The following ANKS1B variants were observed in gnomAD, a reference collection of about 807,000 sequenced individuals.
The protein encoded by ANKS1B is ankyrin repeat and sterile alpha motif domain containing 1B.
In ANKS1B, 36 loss-of-function variants were observed where a neutral mutation model predicts 148.3. The ratio of observed to expected loss-of-function variants is 0.24; its 90% CI spans 0.19 to 0.32. ANKS1B has a LOEUF of 0.32. ANKS1B is among the 10% of genes least tolerant of loss of function. The pLI is 1.00. For synonymous variants in ANKS1B, 542 were observed against 560.8 expected, an observed-to-expected ratio of 0.97 and a Z score of 0.47; for missense variants, 1,157 against 1,542.6, an observed-to-expected ratio of 0.75 and a Z score of 4.19.
chr12:99,550,246 A>T (rs1430543854), intron 9 of ANKS1B, among the ~76,000 whole-genome samples: 1 of 152,240 alleles, frequency 6.6e-6, no homozygotes, highest in Non-Finnish European at 1.5e-5. Context: ...CATAAAGCAT[A>T]GAAACATAAC....
chr12:98,737,053 A>C (rs934947936), intron 9 of ANKS1B, among the ~76,000 whole-genome samples: 1 of 152,198 alleles, frequency 6.6e-6, no homozygotes, highest in Non-Finnish European at 1.5e-5. Flanking sequence ...ATTTAATGAG[A>C]TAAAGCTCCT....
chr12:99,972,047 T>C (rs1219390718), intron 1 of ANKS1B, among the ~76,000 whole-genome samples: 1 of 152,198 alleles, frequency 6.6e-6, no homozygotes, highest in Admixed American at 6.5e-5. Context: ...TATTTTTATA[T>C]CTGTTATGAT....
intron 14 of ANKS1B, among the ~76,000 whole-genome samples, chr12:99,201,017 T>C (rs1310370438): frequency 2.0e-5 from 3 of 152,096 alleles, no homozygotes; most frequent in African/African-American, 7.2e-5. Flanking sequence ...AGGAAGCATG[T>C]AGCAGGCAGT....
At chr12:99,012,635 G>A (rs1322510212) in intron 17 of ANKS1B, among the ~76,000 whole-genome samples, 1 of 152,064 alleles carries the variant, frequency 6.6e-6, no homozygotes, top group Non-Finnish European at 1.5e-5. Flanking sequence ...CAAAATTGAT[G>A]TCAAGTTTTT....
At chr12:98,965,156 A>G (rs1439761486) in intron 17 of ANKS1B, among the ~76,000 whole-genome samples, 1 of 152,186 alleles carries the variant, frequency 6.6e-6, no homozygotes, top group East Asian at 1.9e-4. Flanking sequence ...TTCAAATAAT[A>G]TTTATTGAGA....
chr12:99,137,687 C>G (rs567736164), intron 15 of ANKS1B, among the ~76,000 whole-genome samples: 136 of 152,156 alleles, frequency 8.9e-4, no homozygotes, highest in African/African-American at 3.2e-3. Flanking sequence ...TGTATTTCCT[C>G]TTTTCATTTC....
At chr12:99,326,037 G>C (rs562766050) in intron 12 of ANKS1B, among the ~76,000 whole-genome samples, 3 of 152,130 alleles carry the variant, frequency 2.0e-5, no homozygotes, top group East Asian at 3.9e-4. Flanking sequence ...TGTGAAAAGA[G>C]TCCATTATTA....
At chr12:98,860,219 C>G (rs1238924829) in intron 17 of ANKS1B, among the ~76,000 whole-genome samples, 1 of 152,224 alleles carries the variant, frequency 6.6e-6, no homozygotes, top group Non-Finnish European at 1.5e-5. Context: ...CAAACACATA[C>G]ACTGAAATAT....
chr12:98,760,883 C>G (rs1195430526), intron 25 of ANKS1B, among the ~76,000 whole-genome samples: 3 of 152,176 alleles, frequency 2.0e-5, no homozygotes, highest in African/African-American at 7.2e-5. Context: ...GATCTCTGCA[C>G]GAAGTCAAAC....
rs1397706515 is a variant in ANKS1B, at chr12:99,842,032, A to G, written c.135-16643T>C. On this transcript the variant is annotated intron_variant, in intron 1 of 26. Transcript: ENST00000683438. ...ATAAGAATTCAGTTACCTATTTCAC[A>G]TTTGAGTTGAATGCTTCACTCATTT... is the stretch of plus-strand genomic sequence containing the variant. 2.6e-5 allele frequency among the ~76,000 whole-genome samples: 4 copies of G among 152,170 alleles called. No homozygotes were observed. The East Asian group carries it at 7.7e-4, about 29-fold the overall frequency.
chr12:99,836,856 A>C (rs897214350), intron 1 of ANKS1B, among the ~76,000 whole-genome samples: 1 of 152,160 alleles, frequency 6.6e-6, no homozygotes, highest in Non-Finnish European at 1.5e-5. Context: ...TTTTGGTGGC[A>C]ATTGTTTTTC....
intron 17 of ANKS1B, among the ~76,000 whole-genome samples, chr12:99,009,074 C>A (rs1338610108): frequency 6.6e-6 from 1 of 152,164 alleles, no homozygotes; most frequent in Non-Finnish European, 1.5e-5. Context: ...AGGTGAAGGG[C>A]ATAGTCAAGA....
chr12:98,789,099 C>T (rs1056014674), intron 22 of ANKS1B, among the ~76,000 whole-genome samples: 5 of 152,328 alleles, frequency 3.3e-5, no homozygotes, highest in Middle Eastern at 3.4e-3. Flanking sequence ...TCTCAGCACT[C>T]TGAGAGGCCG....
At chr12:99,455,234 C>A (rs1455119157) in intron 10 of ANKS1B, among the ~76,000 whole-genome samples, 1 of 152,142 alleles carries the variant, frequency 6.6e-6, no homozygotes, top group Non-Finnish European at 1.5e-5. Flanking sequence ...CAGGCCAGAA[C>A]CCCTACTAAG....
chr12:99,092,939 A>G (rs2054574344), intron 15 of ANKS1B, among the ~76,000 whole-genome samples: 1 of 152,198 alleles, frequency 6.6e-6, no homozygotes, highest in Non-Finnish European at 1.5e-5. Context: ...GAGATGTGAC[A>G]CTATGGAGTC....
chr12:99,084,494 A>G (rs1387222577), intron 16 of ANKS1B, among the ~76,000 whole-genome samples: 1 of 152,066 alleles, frequency 6.6e-6, no homozygotes, highest in Non-Finnish European at 1.5e-5. Flanking sequence ...GATCACCTGA[A>G]GTCAGGAGTT....
At chr12:99,625,186 T>G (rs2098098792) in intron 9 of ANKS1B, among the ~76,000 whole-genome samples, 2 of 151,474 alleles carry the variant, frequency 1.3e-5, no homozygotes, top group Non-Finnish European at 2.9e-5. Flanking sequence ...AAAGCGGGAG[T>G]TAAATCTTGG....
chr12:99,800,219 C>T (rs1246028964), intron 4 of ANKS1B, among the ~76,000 whole-genome samples: 1 of 151,750 alleles, frequency 6.6e-6, no homozygotes, highest in African/African-American at 2.4e-5. Flanking sequence ...CATCAGGGAA[C>T]TCTCTCTCCA....
At chr12:99,910,757 T>C (rs1847472576) in intron 1 of ANKS1B, among the ~76,000 whole-genome samples, 1 of 151,990 alleles carries the variant, frequency 6.6e-6, no homozygotes, top group African/African-American at 2.4e-5. Flanking sequence ...CAACAGTCTA[T>C]GTGTACACAC....
Sources: allele counts gnomAD v4.1 joint callset (sites outside exome capture counted in the v4.1 genomes callset), GRCh38; gene constraint gnomAD v4.1.1; transcripts MANE v1.5; gene names NCBI Gene and HGNC (gene_info 2026-07-23, HGNC 2026-07-21).